The following JMJD1C variants were observed in gnomAD, a reference collection of about 807,000 sequenced individuals.
JMJD1C encodes the protein jumonji domain-containing protein 1C.
In JMJD1C, 31 loss-of-function variants were observed where a neutral mutation model predicts 245.3. The ratio of observed to expected loss-of-function variants is 0.13; its 90% CI spans 0.09 to 0.17. JMJD1C has a LOEUF of 0.17. JMJD1C is among the 10% of genes least tolerant of loss of function. The pLI is 1.00. For synonymous variants in JMJD1C, 1,057 were observed against 1,017.4 expected (o/e 1.04, Z -0.74); for missense variants, 2,691 against 3,000.2 (o/e 0.90, Z 2.41).
intron 24 of JMJD1C, among the ~76,000 whole-genome samples, chr10:63,171,129 A>G (rs1427135864): frequency 6.6e-6 from 1 of 152,176 alleles, no homozygotes; most frequent in Non-Finnish European, 1.5e-5. Flanking sequence ...GACCAAACAC[A>G]ATCAAAGTTA....
chr10:63,205,915 G>A (rs1019751907), intron 10 of JMJD1C, among the ~76,000 whole-genome samples: 1 of 152,056 alleles, frequency 6.6e-6, no homozygotes, highest in South Asian at 2.1e-4. Flanking sequence ...CTTCAACCAC[G>A]CCAGCTCAAG....
chr10:63,355,211 AAAAC>A lies in JMJD1C; in HGVS notation c.333+25103_333+25106del, dbSNP rs1944731025. ...ACAGATTCATAAGAAATTGCATTAA[AAAAC>A]AAAATCAGGGAGGCCCCTGAGGACC... On this transcript the variant is annotated intron_variant, in intron 2 of 25. Coordinates refer to ENST00000399262, the MANE Select transcript of JMJD1C (RefSeq NM_032776.3). 5.3e-5 allele frequency among the ~76,000 whole-genome samples: 8 copies of A among 152,316 alleles called. No individual in the cohort carries two copies. In the South Asian group the frequency reaches 1.7e-3, roughly 32 times the overall value.
At chr10:63,322,882 C>T (rs1941069648) in intron 2 of JMJD1C, among the ~76,000 whole-genome samples, 2 of 145,624 alleles carry the variant, frequency 1.4e-5, no homozygotes, top group South Asian at 4.3e-4. Context: ...GAATCTATAT[C>T]AAATGTTAAT....
At chr10:63,513,838 G>C (rs1052036526) in intron 1 of JMJD1C, among the ~76,000 whole-genome samples, 2 of 152,112 alleles carry the variant, frequency 1.3e-5, no homozygotes, top group African/African-American at 4.8e-5. Flanking sequence ...GCGTGAACCC[G>C]GGAGGTGGAG....
At chr10:63,195,814 A>G (rs1173502075) in intron 13 of JMJD1C, among the ~76,000 whole-genome samples, 1 of 152,080 alleles carries the variant, frequency 6.6e-6, no homozygotes, top group Non-Finnish European at 1.5e-5. Flanking sequence ...CTGTAGTCCC[A>G]GCTACTCGGA....
chr10:63,373,816 T>C (rs555843508), intron 2 of JMJD1C, among the ~76,000 whole-genome samples: 4 of 152,306 alleles, frequency 2.6e-5, no homozygotes, highest in East Asian at 1.9e-4. Context: ...TTGCTGTTTA[T>C]AGACATCCTT....
chr10:63,214,580 A>G lies in JMJD1C; in HGVS notation c.1587T>C (p.Phe529=). The change falls in exon 8 of 26, where the codon TTT becomes TTC. Residue 529 remains phenylalanine (F), a synonymous_variant. Coordinates refer to ENST00000399262, the MANE Select transcript of JMJD1C (RefSeq NM_032776.3). ...EKVAQENSST[F]GLQTLQKMDP... is the part of the protein sequence containing the mutation. ...CCATTTTCTGAAGTGTCTGAAGGCC[A>G]AAGGTACTTGAGTTTTCCTGAGCCA... The G allele has an allele frequency of 6.2e-7, 1 of 1,614,104 alleles. No individual in the cohort carries two copies. The highest frequency in any genetic ancestry group is 1.7e-5 in the Admixed American group (1 of 60,024).
intron 2 of JMJD1C, among the ~76,000 whole-genome samples, chr10:63,356,438 A>T (rs1944849878): frequency 6.6e-6 from 1 of 152,242 alleles, no homozygotes; most frequent in Admixed American, 6.5e-5. Flanking sequence ...CTCACTGAAG[A>T]ACAAAAAAGA....
intron 4 of JMJD1C, among the ~76,000 whole-genome samples, chr10:63,219,538 C>A (rs765485593): frequency 1.3e-5 from 2 of 152,304 alleles, no homozygotes; most frequent in South Asian, 2.1e-4. Context: ...CAAAGGAAAT[C>A]AATTGTGGCT....
At chr10:63,222,570 C>G in intron 3 of JMJD1C, 3 of 1,589,530 alleles carry the variant, frequency 1.9e-6, no homozygotes, top group Non-Finnish European at 2.6e-6. Context: ...TTTGAACTGT[C>G]AGAACAAACA....
intron 3 of JMJD1C, among the ~76,000 whole-genome samples, chr10:63,227,069 A>G (rs1427338358): frequency 2.6e-5 from 4 of 152,134 alleles, no homozygotes; most frequent in African/African-American, 9.7e-5. Flanking sequence ...CTCTCAAAGA[A>G]AAGGTTAAAA....
intron 2 of JMJD1C, among the ~76,000 whole-genome samples, chr10:63,363,545 A>C (rs1296734599): frequency 2.6e-5 from 4 of 152,096 alleles, no homozygotes; most frequent in Non-Finnish European, 4.4e-5. Flanking sequence ...GGCGTGAGCC[A>C]CCACGCCTAA....
rs1951683138 is a variant in JMJD1C at position 63,445,861 on chromosome 10, A to ATT, written c.168+19633_168+19634insAA. Among the ~76,000 whole-genome samples the ATT allele has an allele frequency of 3.0e-5, 3 of 100,038 alleles. No individual in the cohort carries two copies. The Admixed American group carries it at 3.1e-4, about 10-fold the overall frequency. 65.6% of individuals were successfully genotyped at this position (100,038 alleles called of 152,430 possible). ...AAAAAATGACATGTGCTGGGATCTGAATTTTTTTTTTTTTTTTTTTTTTTT... is the reference window on the plus strand; with the variant it reads ...AAAAAATGACATGTGCTGGGATCTGATTATTTTTTTTTTTTTTTTTTTTTTTT... On this transcript the variant is annotated intron_variant, in intron 1 of 25. Coordinates refer to ENST00000399262, the MANE Select transcript of JMJD1C (RefSeq NM_032776.3).
intron 13 of JMJD1C, among the ~76,000 whole-genome samples, chr10:63,195,980 T>C (rs1845415022): frequency 1.3e-5 from 2 of 149,952 alleles, no homozygotes; most frequent in South Asian, 4.3e-4. Flanking sequence ...TCAAAATTAA[T>C]ACTACTATGA....
chr10:63,431,433 A>G (rs546955104), intron 1 of JMJD1C, among the ~76,000 whole-genome samples: 9 of 152,324 alleles, frequency 5.9e-5, no homozygotes, highest in African/African-American at 1.9e-4. Flanking sequence ...GAAGGCTCCT[A>G]AAGTATGGTG....
intron 2 of JMJD1C, among the ~76,000 whole-genome samples, chr10:63,283,898 A>G (rs1381642640): frequency 6.6e-6 from 1 of 152,238 alleles, no homozygotes; most frequent in Non-Finnish European, 1.5e-5. Context: ...TACTCTGACA[A>G]TAAGAAAAGC....
At chr10:63,338,082 A>C (rs1455153013) in intron 2 of JMJD1C, among the ~76,000 whole-genome samples, 1 of 152,214 alleles carries the variant, frequency 6.6e-6, no homozygotes, top group Non-Finnish European at 1.5e-5. Context: ...CAACATAAAT[A>C]AACAGAAATA....
chr10:63,357,824 CAG>C (rs1445621868), intron 2 of JMJD1C, among the ~76,000 whole-genome samples: 209 of 78,424 alleles, frequency 2.7e-3, no homozygotes, highest in African/African-American at 9.1e-3. Flanking sequence ...CACAGACAGA[CAG>C]ACACACACAC....
Position 63,197,398 on chromosome 10 carries a change from C to G in JMJD1C, c.5644+13G>C. ...TATAAAAAACTTCAATTTATATAAA[C>G]TTATACACCAACCTCTAGAACTCTT... is the stretch of plus-strand genomic sequence containing the variant. On this transcript the variant is annotated intron_variant, in intron 13 of 25. Transcript: ENST00000399262. The G allele has an allele frequency of 6.2e-7, 1 of 1,607,502 alleles. No individual in the cohort carries two copies.
Sources: allele counts gnomAD v4.1 joint callset (sites outside exome capture counted in the v4.1 genomes callset), GRCh38; gene constraint gnomAD v4.1.1; transcripts MANE v1.5; gene names NCBI Gene and HGNC (gene_info 2026-07-23, HGNC 2026-07-21).